Variants in SKAP2 observed in about 807,000 individuals in gnomAD.
SKAP2 encodes the protein src kinase associated phosphoprotein 2.
In SKAP2, 28 loss-of-function variants were observed where a neutral mutation model predicts 54.9. The observed-to-expected ratio is 0.51, with a 90% confidence interval of 0.38 to 0.70. SKAP2 has a LOEUF of 0.70. Among genes scored for constraint, SKAP2 ranks in the 30% least tolerant of loss-of-function variants. The pLI is 0.00. For missense variants in SKAP2, 356 were observed against 424.1 expected (o/e 0.84, Z 1.41); for synonymous variants, 137 against 134.3 (o/e 1.02, Z -0.14).
chr7:26,689,210 T>G (rs1395427460), intron 10 of SKAP2, among the ~76,000 whole-genome samples: 1 of 152,102 alleles, frequency 6.6e-6, no homozygotes, highest in Non-Finnish European at 1.5e-5. Context: ...GAAAGAGTGA[T>G]GTATGGACAT....
chr7:26,755,218 T>C (rs1431289164), intron 4 of SKAP2, among the ~76,000 whole-genome samples: 4 of 151,174 alleles, frequency 2.6e-5, no homozygotes, highest in Non-Finnish European at 5.9e-5. Flanking sequence ...CTCATGGTTC[T>C]AATGTACTTT....
chr7:26,689,795 A>G (rs1786741700), intron 10 of SKAP2, among the ~76,000 whole-genome samples: 1 of 152,174 alleles, frequency 6.6e-6, no homozygotes, highest in Non-Finnish European at 1.5e-5. Context: ...TGTCAAGTTG[A>G]CCTTTTCAGA....
At chr7:26,804,060 G>A (rs1783970978) in intron 4 of SKAP2, among the ~76,000 whole-genome samples, 1 of 151,978 alleles carries the variant, frequency 6.6e-6, no homozygotes, top group African/African-American at 2.4e-5. Context: ...AGCACAATAG[G>A]GTGATTATAG....
chr7:26,806,041 T>C (rs2127986297), intron 4 of SKAP2, among the ~76,000 whole-genome samples: 1 of 152,324 alleles, frequency 6.6e-6, no homozygotes, highest in East Asian at 1.9e-4. Flanking sequence ...GTTACCATTG[T>C]AATTGTTTTG....
chr7:26,739,474 T>C (rs1371044759), intron 5 of SKAP2, among the ~76,000 whole-genome samples: 3 of 152,128 alleles, frequency 2.0e-5, no homozygotes, highest in Admixed American at 2.0e-4. Context: ...AACACTGAAA[T>C]GAATAATAGA....
At chr7:26,685,852 A>C (rs1328591749) in intron 10 of SKAP2, among the ~76,000 whole-genome samples, 1 of 152,170 alleles carries the variant, frequency 6.6e-6, no homozygotes, top group Admixed American at 6.5e-5. Flanking sequence ...AAAGAATGCA[A>C]GTAATATCAA....
intron 4 of SKAP2, among the ~76,000 whole-genome samples, chr7:26,791,152 T>C (rs374784325): frequency 3.3e-5 from 5 of 152,222 alleles, no homozygotes; most frequent in East Asian, 3.8e-4. Context: ...GCCAGCATTA[T>C]CATATCACAT....
At chr7:26,736,374 C>T (rs118095817) in intron 6 of SKAP2, among the ~76,000 whole-genome samples, 1,709 of 152,292 alleles carry the variant, frequency 0.011, 14 homozygotes, top group Non-Finnish European at 0.018. Flanking sequence ...ACACTCCTAC[C>T]AGTGCCATGA....
At chr7:26,822,630 C>T (rs1374226411) in intron 4 of SKAP2, among the ~76,000 whole-genome samples, 1 of 151,812 alleles carries the variant, frequency 6.6e-6, no homozygotes, top group Non-Finnish European at 1.5e-5. Flanking sequence ...AATCCCAGCA[C>T]TTTGGGAGGC....
chr7:26,710,747 G>A lies in SKAP2; in HGVS notation c.796+14681C>T, dbSNP rs562253986. 3.9e-5 allele frequency among the ~76,000 whole-genome samples: 6 copies of A among 152,278 alleles called. No individual in the cohort carries two copies. In the East Asian group the frequency reaches 1.2e-3, roughly 29 times the overall value. Reference sequence around the variant, plus strand: ...AGCCATTCAACACTTTGGAGCAGCAGAAAGATAGGACTTAAGAAACTTCTG... The same window carrying A: ...AGCCATTCAACACTTTGGAGCAGCAAAAAGATAGGACTTAAGAAACTTCTG... On this transcript the variant is annotated intron_variant, in intron 9 of 12. Transcript: ENST00000345317.
At chr7:26,812,467 G>A (rs560893544) in intron 4 of SKAP2, among the ~76,000 whole-genome samples, 20 of 151,546 alleles carry the variant, frequency 1.3e-4, no homozygotes, top group Middle Eastern at 3.4e-3. Context: ...AACCTTAGGA[G>A]ACAAAAATAC....
chr7:26,777,112 A>C (rs952222613), intron 4 of SKAP2, among the ~76,000 whole-genome samples: 9 of 152,182 alleles, frequency 5.9e-5, no homozygotes, highest in Non-Finnish European at 1.0e-4. Context: ...AAAAATGTTA[A>C]ATGTCTGAAA....
intron 4 of SKAP2, among the ~76,000 whole-genome samples, chr7:26,751,730 T>C (rs1463736581): frequency 6.6e-6 from 1 of 152,170 alleles, no homozygotes; most frequent in African/African-American, 2.4e-5. Context: ...AATATAGATA[T>C]GAAATTCATA....
chr7:26,691,807 A>G (rs1211772726), intron 9 of SKAP2, among the ~76,000 whole-genome samples: 1 of 152,204 alleles, frequency 6.6e-6, no homozygotes, highest in African/African-American at 2.4e-5. Flanking sequence ...ATGATCTTTA[A>G]AAGAAAAAGG....
intron 11 of SKAP2, among the ~76,000 whole-genome samples, chr7:26,682,145 T>C (rs952421184): frequency 1.1e-4 from 16 of 152,240 alleles, no homozygotes; most frequent in African/African-American, 3.4e-4. Flanking sequence ...TTTGTAATAA[T>C]ATCAAGCATT....
chr7:26,670,008 C>G (rs919192101), intron 12 of SKAP2, 83 bp downstream of exon 12: 12 of 565,054 alleles, frequency 2.1e-5, no homozygotes, highest in African/African-American at 3.7e-5. Flanking sequence ...ACTCTAAAGA[C>G]TTTTAAAAAG....
intron 9 of SKAP2, among the ~76,000 whole-genome samples, chr7:26,712,446 TG>T (rs1787331066): frequency 6.6e-6 from 1 of 152,228 alleles, no homozygotes; most frequent in Non-Finnish European, 1.5e-5. Flanking sequence ...TTTATATGTG[TG>T]CAGTAAATGC....
chr7:26,701,423 T>C (rs1787019169), intron 9 of SKAP2, among the ~76,000 whole-genome samples: 5 of 152,204 alleles, frequency 3.3e-5, no homozygotes, highest in Admixed American at 3.3e-4. Context: ...CAATTGTTGA[T>C]GGATACCCCC....
chr7:26,803,954 T>C (rs1783968635), intron 4 of SKAP2, among the ~76,000 whole-genome samples: 1 of 151,882 alleles, frequency 6.6e-6, no homozygotes, highest in Non-Finnish European at 1.5e-5. Flanking sequence ...GTGTAGAGGA[T>C]GGTTATCAGA....
Sources: allele counts gnomAD v4.1 joint callset (sites outside exome capture counted in the v4.1 genomes callset), GRCh38; gene constraint gnomAD v4.1.1; transcripts MANE v1.5; gene names NCBI Gene and HGNC (gene_info 2026-07-23, HGNC 2026-07-21).